The following C16orf96 variants were observed in gnomAD, a reference collection of about 807,000 sequenced individuals.
C16orf96 encodes uncharacterized protein C16orf96.
In C16orf96, 108 loss-of-function variants were observed where a neutral mutation model predicts 103.6. The ratio of observed to expected loss-of-function variants is 1.04; its 90% CI spans 0.89 to 1.22. C16orf96 has a LOEUF of 1.22. Ranked by LOEUF, C16orf96 falls within the 50% of genes most tolerant of loss-of-function variation. The pLI, the probability that C16orf96 is intolerant of heterozygous loss-of-function variation, is 0.00. For missense variants in C16orf96, 1,586 were observed against 1,464.2 expected, an observed-to-expected ratio of 1.08 and a Z score of -1.36; for synonymous variants, 566 against 593.5, an observed-to-expected ratio of 0.95 and a Z score of 0.67.
chr16:4,591,609 A>C (rs1197090201), intron 9 of C16orf96, 57 bp from the exon 10 acceptor site: 28 of 1,386,784 alleles, frequency 2.0e-5, no homozygotes, highest in Non-Finnish European at 2.8e-5. Context: ...TTCTGGAAGG[A>C]GGCAGGGTGT....
In C16orf96 at chr16:4,600,260, T is replaced by C. The variant is rs768920493; in HGVS notation, c.3369T>C (p.Ala1123=). ...CAGGGTCCACCAGGCTCTCAAGAGCTCCACACATTGAGTCCCGAGTCGGCA... is the reference window on the plus strand; with the variant it reads ...CAGGGTCCACCAGGCTCTCAAGAGCCCCACACATTGAGTCCCGAGTCGGCA... ...QAPGSTRLSR[A]PHIESRVGRK... is the part of the protein sequence containing the mutation. Residue 1123 remains alanine, a synonymous_variant, in exon 16 of 16, where the codon GCT becomes GCC. Transcript: ENST00000444310. 2.3e-4 allele frequency: 350 copies of C among 1,551,086 alleles called. 1 individual carries two copies. The highest frequency in any genetic ancestry group is 2.7e-4 in the Non-Finnish European group (312 of 1,146,904).
Position 4,593,176 on chromosome 16 carries a change from G to T in C16orf96, c.2775-48G>T. ...GGGGTGGGAGACGAGCCCTCTGCTG[G>T]CCTAGCACGCCTCCCACAGCCCCTG... On this transcript the variant is annotated intron_variant, in intron 11 of 15. Transcript: ENST00000444310. This position sits in a 1 kb window ranked among gnomAD's most constrained non-coding sequence, Gnocchi z 4.2. 1 of 1,519,702 alleles carries T rather than the reference G, an allele frequency of 6.6e-7. No individual in the cohort carries two copies. The allele number at this position is 1,519,702 out of a possible 1,614,324, so 94.1% of individuals were successfully genotyped here.
At chr16:4,553,131 C>G (rs2059237955), upstream of C16orf96, among the ~76,000 whole-genome samples, 1 of 152,186 alleles carries the variant, frequency 6.6e-6, no homozygotes, top group East Asian at 1.9e-4. Flanking sequence ...CCTTGGGTTA[C>G]CTTTGCCCAG....
chr16:4,597,236 G>C (rs1897192083), intron 14 of C16orf96, among the ~76,000 whole-genome samples: 1 of 152,148 alleles, frequency 6.6e-6, no homozygotes, highest in Non-Finnish European at 1.5e-5. Context: ...GGCTCAGGCT[G>C]GGCGTCAGGG....
chr16:4,549,488 A>AC, the C16orf96 span, among the ~76,000 whole-genome samples: 2 of 151,118 alleles, frequency 1.3e-5, no homozygotes, highest in South Asian at 2.1e-4. Flanking sequence ...AAAAAAAAAA[A>AC]AACAACCAAC....
intron 7 of C16orf96, among the ~76,000 whole-genome samples, chr16:4,582,113 C>T (rs1363662416): frequency 6.6e-6 from 1 of 152,028 alleles, no homozygotes; most frequent in African/African-American, 2.4e-5. Context: ...GAAACCCCGT[C>T]TCTACTAAAA....
intron 1 of C16orf96, among the ~76,000 whole-genome samples, chr16:4,570,462 GC>G (rs1164750138): frequency 1.0e-3 from 106 of 104,854 alleles, no homozygotes; most frequent in African/African-American, 3.4e-3. Context: ...CTCACAACAC[GC>G]TTTTTTTTTT....
At chr16:4,574,916 G>A in intron 3 of C16orf96, 56 bp from the exon 4 acceptor site, 2 of 1,529,254 alleles carry the variant, frequency 1.3e-6, no homozygotes, top group Admixed American at 2.0e-5. Flanking sequence ...TTGCAGGTGT[G>A]GGGGACACTG....
chr16:4,581,405 G>C (rs183936554), intron 7 of C16orf96, among the ~76,000 whole-genome samples: 15 of 151,210 alleles, frequency 9.9e-5, no homozygotes, highest in African/African-American at 3.6e-4. Flanking sequence ...AGGCTGAGGC[G>C]AGTGGATCAC....
At chr16:4,599,976 C>A in intron 15 of C16orf96, 124 bp from the exon 16 acceptor site, 3 of 1,003,914 alleles carry the variant, frequency 3.0e-6, no homozygotes, top group African/African-American at 1.6e-5. Context: ...CCCAGCCGGC[C>A]ATGGCCTGTA....
chr16:4,541,750 T>C, the C16orf96 span, among the ~76,000 whole-genome samples: 1 of 152,210 alleles, frequency 6.6e-6, no homozygotes, highest in Non-Finnish European at 1.5e-5. Flanking sequence ...ATTTGCCTTA[T>C]AGAGAAAACA....
At chr16:4,588,129 C>G in intron 8 of C16orf96, 38 bp from the exon 9 acceptor site, 1 of 1,537,440 alleles carries the variant, frequency 6.5e-7, no homozygotes, top group Non-Finnish European at 8.8e-7. Flanking sequence ...TTCCTCCATC[C>G]CAGCAGCCAT....
chr16:4,569,051 C>A (rs1596519926), intron 1 of C16orf96, among the ~76,000 whole-genome samples: 1 of 152,058 alleles, frequency 6.6e-6, no homozygotes, highest in South Asian at 2.1e-4. Flanking sequence ...CTTGCTGCAA[C>A]CTCTGCCTCC....
upstream of C16orf96, among the ~76,000 whole-genome samples, chr16:4,555,529 C>G (rs1329323385): frequency 6.6e-6 from 1 of 151,754 alleles, no homozygotes; most frequent in Admixed American, 6.6e-5. Context: ...CGTGCCACCA[C>G]GCCTGGCTGA....
At chr16:4,594,917 C>A in intron 14 of C16orf96, 114 bp downstream of exon 14, 1 of 1,135,008 alleles carries the variant, frequency 8.8e-7, no homozygotes, top group Non-Finnish European at 1.2e-6. Context: ...CCGGGGAGTC[C>A]TCACACAGTC....
chr16:4,562,484 C>G (rs1328253771), intron 1 of C16orf96, among the ~76,000 whole-genome samples: 2 of 148,052 alleles, frequency 1.4e-5, no homozygotes, highest in Admixed American at 6.8e-5. Flanking sequence ...AAGAGAAAAG[C>G]CTTTTGAGAA....
chr16:4,594,901 C>T (rs1194348174), intron 14 of C16orf96, 98 bp downstream of exon 14: 1 of 1,297,350 alleles, frequency 7.7e-7, no homozygotes, highest in Non-Finnish European at 1.1e-6. Context: ...CCAGCACTAT[C>T]CCTGACCGGG....
In C16orf96 at chr16:4,580,145, C is replaced by A; in HGVS notation, c.2352+20C>A. 6.8e-7 allele frequency: 1 copy of A among 1,469,628 alleles called. No homozygotes were observed. The highest frequency in any genetic ancestry group is 9.1e-7 in the Non-Finnish European group (1 of 1,103,044). 91.0% of individuals were successfully genotyped at this position (1,469,628 alleles called of 1,614,324 possible). A position where few individuals can be genotyped will look rare whatever the true frequency, so the allele number is the denominator to read the frequency against. Reference sequence around the variant, plus strand: ...TTCAAGGTTAGGAGGACTGGGTAGGCTGGAGAAGGGCTGGCAAAGGGAGAA... The same window carrying A: ...TTCAAGGTTAGGAGGACTGGGTAGGATGGAGAAGGGCTGGCAAAGGGAGAA... On this transcript the variant is annotated intron_variant, in intron 7 of 15. Coordinates refer to ENST00000444310, the MANE Select transcript of C16orf96 (RefSeq NM_001145011.2).
chr16:4,589,171 C>A lies in C16orf96; in HGVS notation c.2592+840C>A, dbSNP rs183454760. Among the ~76,000 whole-genome samples, 259 of 152,312 alleles carry A rather than the reference C, an allele frequency of 1.7e-3. 2 individuals are homozygous for A. The highest frequency in any genetic ancestry group is 5.5e-3 in the Admixed American group (84 of 15,290). ...AGTTAGCCTCCAGGGCGGTCGCCAACCATACCTCTTGGTATTCACACAGTT... is the reference window on the plus strand; with the variant it reads ...AGTTAGCCTCCAGGGCGGTCGCCAAACATACCTCTTGGTATTCACACAGTT... On this transcript the variant is annotated intron_variant, in intron 9 of 15. Transcript: ENST00000444310.
Sources: allele counts gnomAD v4.1 joint callset (sites outside exome capture counted in the v4.1 genomes callset), GRCh38; gene constraint gnomAD v4.1.1; non-coding constraint Gnocchi (gnomAD v3.1); transcripts MANE v1.5; gene names NCBI Gene and HGNC (gene_info 2026-07-23, HGNC 2026-07-21).